Variants in JAZF1 observed in about 807,000 individuals in gnomAD.
The protein encoded by JAZF1 is JAZF zinc finger 1.
JAZF1 carries 8 observed loss-of-function variants against 26.4 expected under a neutral mutation model. The observed-to-expected ratio is 0.30, with a 90% CI of 0.18 to 0.55. JAZF1 has a LOEUF of 0.55. JAZF1 is among the 20% of genes least tolerant of loss of function. The pLI, the probability that JAZF1 is intolerant of heterozygous loss-of-function variation, is 0.94. For missense variants in JAZF1, 199 were observed against 322.0 expected, an observed-to-expected ratio of 0.62 and a Z score of 2.92; for synonymous variants, 126 against 122.3, an observed-to-expected ratio of 1.03 and a Z score of -0.20.
intron 3 of JAZF1, among the ~76,000 whole-genome samples, chr7:27,857,587 C>T (rs1783293753): frequency 6.6e-6 from 1 of 152,234 alleles, no homozygotes; most frequent in Non-Finnish European, 1.5e-5. Context: ...GCTGGTTCAA[C>T]ATATGCAAAT....
At chr7:28,097,875 A>G (rs1784409383) in intron 1 of JAZF1, among the ~76,000 whole-genome samples, 1 of 152,194 alleles carries the variant, frequency 6.6e-6, no homozygotes, top group East Asian at 1.9e-4. Context: ...GCTTTAACCA[A>G]ACCCAGAACA....
chr7:27,905,788 A>C (rs899298607), intron 2 of JAZF1, among the ~76,000 whole-genome samples: 1 of 152,126 alleles, frequency 6.6e-6, no homozygotes, highest in African/African-American at 2.4e-5. Context: ...GGAAGAGCAT[A>C]ATCTTGGAAT....
At chr7:27,973,007 C>CA (rs1379603819) in intron 2 of JAZF1, among the ~76,000 whole-genome samples, 1 of 150,644 alleles carries the variant, frequency 6.6e-6, no homozygotes, top group Non-Finnish European at 1.5e-5. Flanking sequence ...GGCTCGCTCT[C>CA]AATTTTATTT....
At chr7:27,864,417 C>A (rs1783436507) in intron 3 of JAZF1, among the ~76,000 whole-genome samples, 1 of 152,142 alleles carries the variant, frequency 6.6e-6, no homozygotes, top group South Asian at 2.1e-4. Flanking sequence ...GTGCCAGGCC[C>A]CTTCATCCTT....
At chr7:28,020,500 C>T in intron 1 of JAZF1, 1 of 465,166 alleles carries the variant, frequency 2.1e-6, no homozygotes, top group Non-Finnish European at 4.4e-6. Flanking sequence ...CCTATGACCC[C>T]TAGGACTGAT....
intron 1 of JAZF1, among the ~76,000 whole-genome samples, chr7:28,067,649 G>A (rs78117896): frequency 0.027 from 4,137 of 152,244 alleles, 182 homozygotes; most frequent in African/African-American, 0.094. Flanking sequence ...AAAAAATGAC[G>A]AAGAAGGTAG....
intron 3 of JAZF1, among the ~76,000 whole-genome samples, chr7:27,854,415 T>C: frequency 6.6e-6 from 1 of 152,264 alleles, no homozygotes; most frequent in Non-Finnish European, 1.5e-5. Context: ...GTCATTATGA[T>C]GATAGCTGGT....
chr7:28,100,279 C>G (rs1784453095), intron 1 of JAZF1, among the ~76,000 whole-genome samples: 1 of 152,100 alleles, frequency 6.6e-6, no homozygotes, highest in African/African-American at 2.4e-5. Flanking sequence ...TTCTATAAAC[C>G]ACAATCCTTA....
At chr7:28,000,464 C>A (rs894937361) in intron 1 of JAZF1, among the ~76,000 whole-genome samples, 6 of 152,150 alleles carry the variant, frequency 3.9e-5, no homozygotes, top group Non-Finnish European at 7.3e-5. Context: ...AGAGCTATTG[C>A]TCCTAGATTG....
intron 1 of JAZF1, among the ~76,000 whole-genome samples, chr7:28,049,238 A>G (rs1435416335): frequency 6.6e-6 from 1 of 151,354 alleles, no homozygotes; most frequent in Non-Finnish European, 1.5e-5. Context: ...GCCCACCACC[A>G]CAGCTGGCTA....
rs1784037596 is a variant in JAZF1 at position 27,895,145 on chromosome 7, G to T, written c.385+75C>A. 6.3e-5 allele frequency: 62 copies of T among 987,134 alleles called. 1 individual carries two copies. In the South Asian group the frequency reaches 1.1e-3, roughly 18 times the overall value. 61.1% of individuals were successfully genotyped at this position (987,134 alleles called of 1,614,324 possible). On this transcript the variant is annotated intron_variant, in intron 3 of 4. Coordinates refer to ENST00000283928, the MANE Select transcript of JAZF1 (RefSeq NM_175061.4). ...CGTCATCTGTCCCCAGCCCCTTTCT[G>T]CCCCCAGCACATCACACACACTTTC...
intron 1 of JAZF1, among the ~76,000 whole-genome samples, chr7:28,177,255 G>C (rs554951261): frequency 6.6e-4 from 100 of 152,246 alleles, no homozygotes; most frequent in Non-Finnish European, 1.2e-3. Flanking sequence ...TTCCAGGAGA[G>C]AAAAGAGCTA....
At chr7:28,066,461 G>T (rs1003736686) in intron 1 of JAZF1, among the ~76,000 whole-genome samples, 2 of 152,052 alleles carry the variant, frequency 1.3e-5, no homozygotes, top group Non-Finnish European at 2.9e-5. Context: ...AAATTAGCCA[G>T]GTATGGTGGC....
At chr7:27,867,097 T>C (rs926073258) in intron 3 of JAZF1, among the ~76,000 whole-genome samples, 8 of 152,186 alleles carry the variant, frequency 5.3e-5, no homozygotes, top group African/African-American at 1.9e-4. Flanking sequence ...GATGATTTCC[T>C]TCTTAACTGT....
intron 1 of JAZF1, among the ~76,000 whole-genome samples, chr7:28,055,452 A>G (rs987339070): frequency 2.0e-5 from 3 of 151,924 alleles, no homozygotes; most frequent in African/African-American, 7.3e-5. Context: ...CCCAGCCCAC[A>G]CTTTGGTGCG....
intron 1 of JAZF1, among the ~76,000 whole-genome samples, chr7:28,136,557 A>AGC (rs1244592487): frequency 6.6e-6 from 1 of 152,264 alleles, no homozygotes; most frequent in East Asian, 1.9e-4. Flanking sequence ...TGCCTTCGGC[A>AGC]CTGAGTTGAA....
At chr7:28,121,317 C>G (rs925626197) in intron 1 of JAZF1, among the ~76,000 whole-genome samples, 1 of 152,132 alleles carries the variant, frequency 6.6e-6, no homozygotes, top group African/African-American at 2.4e-5. Flanking sequence ...AGGGAGATAG[C>G]TGTTACCCTC....
intron 1 of JAZF1, among the ~76,000 whole-genome samples, chr7:28,092,814 T>C (rs1164491861): frequency 1.3e-5 from 2 of 151,668 alleles, no homozygotes; most frequent in African/African-American, 4.9e-5. Flanking sequence ...TGAGCCGTAA[T>C]TACACAACTG....
chr7:27,856,903 C>T (rs1466003841), intron 3 of JAZF1, among the ~76,000 whole-genome samples: 1 of 152,232 alleles, frequency 6.6e-6, no homozygotes, highest in Non-Finnish European at 1.5e-5. Flanking sequence ...GAGCTAGAGA[C>T]AAAGTGCTGA....
Sources: gnomAD v4.1 joint callset for allele counts (sites outside exome capture counted in the v4.1 genomes callset) on GRCh38, gnomAD v4.1.1 for gene constraint, MANE v1.5 for transcripts, NCBI Gene and HGNC (gene_info 2026-07-23, HGNC 2026-07-21) for gene names.